The following NAALADL2 variants were observed in gnomAD, a reference collection of about 807,000 sequenced individuals.
The protein encoded by NAALADL2 is inactive N-acetylated-alpha-linked acidic dipeptidase-like protein 2.
In NAALADL2, 76 loss-of-function variants were observed where a neutral mutation model predicts 87.2. That is an observed-to-expected ratio of 0.87 (90% CI 0.72 to 1.05). The LOEUF (loss-of-function observed/expected upper bound fraction) is 1.05, where lower values mean the gene tolerates loss of function less well. Ranked by LOEUF, NAALADL2 falls within the 50% of genes least tolerant of loss-of-function variation. The pLI, the probability that NAALADL2 is intolerant of heterozygous loss-of-function variation, is 0.00. For missense variants in NAALADL2, 1,089 were observed against 945.8 expected (o/e 1.15, Z -1.99); for synonymous variants, 354 against 331.0 (o/e 1.07, Z -0.75).
chr3:175,454,493 C>T (rs1274926132), intron 6 of NAALADL2, among the ~76,000 whole-genome samples: 2 of 151,930 alleles, frequency 1.3e-5, no homozygotes, highest in Non-Finnish European at 2.9e-5. Context: ...TTAGAACCAC[C>T]TTCTTCATCC....
intron 3 of NAALADL2, among the ~76,000 whole-genome samples, chr3:174,812,460 TTGATAA>T (rs1415294175): frequency 4.6e-5 from 7 of 152,240 alleles, no homozygotes; most frequent in South Asian, 2.1e-4. Context: ...TACGTAATAC[TTGATAA>T]TGATAATAAA....
chr3:175,338,929 G>C (rs941255880), intron 5 of NAALADL2, among the ~76,000 whole-genome samples: 1 of 152,158 alleles, frequency 6.6e-6, no homozygotes, highest in African/African-American at 2.4e-5. Flanking sequence ...CAGAAGGGAG[G>C]GAAGGCAGCA....
chr3:175,059,873 G>C (rs143194497), intron 1 of NAALADL2: 58 of 335,750 alleles, frequency 1.7e-4, no homozygotes, highest in African/African-American at 1.1e-3. Context: ...TACCAACATA[G>C]GGCAAGACAC....
chr3:174,977,455 C>A (rs746938581), intron 1 of NAALADL2, among the ~76,000 whole-genome samples: 1 of 152,124 alleles, frequency 6.6e-6, no homozygotes, highest in African/African-American at 2.4e-5. Context: ...AGTGACTTCA[C>A]CTTTTTCTGC....
chr3:175,524,482 A>C (rs114866747), intron 9 of NAALADL2, among the ~76,000 whole-genome samples: 3,270 of 152,232 alleles, frequency 0.021, 123 homozygotes, highest in African/African-American at 0.073. Flanking sequence ...TGAGGTAATA[A>C]ATAAAATCCT....
chr3:174,834,782 A>T (rs1202017048), intron 3 of NAALADL2, among the ~76,000 whole-genome samples: 1 of 151,868 alleles, frequency 6.6e-6, no homozygotes, highest in Non-Finnish European at 1.5e-5. Flanking sequence ...TCAGAGAGAA[A>T]TTGAGTATAT....
chr3:175,637,492 G>A (rs1010588791), intron 11 of NAALADL2, among the ~76,000 whole-genome samples: 17 of 152,120 alleles, frequency 1.1e-4, no homozygotes, highest in Non-Finnish European at 2.4e-4. Context: ...TCATGGAGGC[G>A]GATCCCTCAT....
Position 175,779,690 on chromosome 3 carries a change from A to G in NAALADL2, c.2190-23315A>G, listed in dbSNP as rs148944610. On this transcript the variant is annotated intron_variant, in intron 13 of 13. Coordinates refer to ENST00000454872, the MANE Select transcript of NAALADL2 (RefSeq NM_207015.3). ...TATCATGGGAATACAATGAAAATTAAGGTTTCTTGAAATGAAGAGTATGGT... is the reference window on the plus strand; with the variant it reads ...TATCATGGGAATACAATGAAAATTAGGGTTTCTTGAAATGAAGAGTATGGT... Among the ~76,000 whole-genome samples the G allele has an allele frequency of 4.1e-3, 626 of 152,332 alleles. 4 individuals carry two copies. Among genetic ancestry groups the G allele is most frequent in the African/African-American group, 0.014 (599 of 41,574 alleles).
Position 175,804,199 on chromosome 3 carries a change from A to G in NAALADL2, c.*996A>G, listed in dbSNP as rs1393218731. 2 of 151,772 alleles carry G rather than the reference A, an allele frequency of 1.3e-5. No individual in the cohort carries two copies. The highest frequency in any genetic ancestry group is 3.9e-4 in the East Asian group (2 of 5,176). 9.4% of individuals were successfully genotyped at this position (151,772 alleles called of 1,614,324 possible). A position where few individuals can be genotyped will look rare whatever the true frequency, so the allele number is the denominator to read the frequency against. ...CAAATTTCTATTTCTGCCTCTGACA[A>G]AAAGAACTTACTATGAAAGAAATAG... On this transcript the variant is annotated 3_prime_UTR_variant, in exon 14 of 14. Transcript: ENST00000454872.
intron 2 of NAALADL2, among the ~76,000 whole-genome samples, chr3:175,182,671 A>G (rs955794663): frequency 6.9e-6 from 1 of 143,986 alleles, no homozygotes. Flanking sequence ...TGCAAGGATT[A>G]CAGGGGTAAG....
At chr3:174,676,188 C>T (rs139867441) in intron 2 of NAALADL2, among the ~76,000 whole-genome samples, 14 of 152,072 alleles carry the variant, frequency 9.2e-5, no homozygotes, top group Non-Finnish European at 1.9e-4. Flanking sequence ...ACTCAAAGTG[C>T]TCTTCACTAG....
At chr3:175,503,588 T>A (rs1249132838) in intron 9 of NAALADL2, among the ~76,000 whole-genome samples, 1 of 152,098 alleles carries the variant, frequency 6.6e-6, no homozygotes, top group African/African-American at 2.4e-5. Flanking sequence ...ACCTCACTAG[T>A]ATGTGTTATT....
intron 11 of NAALADL2, among the ~76,000 whole-genome samples, chr3:175,652,720 C>T (rs921378692): frequency 1.6e-4 from 25 of 152,058 alleles, no homozygotes; most frequent in African/African-American, 4.3e-4. Flanking sequence ...CCTCGTGATC[C>T]GCCCGCCTCG....
chr3:174,952,649 G>A (rs150038229), intron 1 of NAALADL2, among the ~76,000 whole-genome samples: 5 of 152,118 alleles, frequency 3.3e-5, no homozygotes, highest in East Asian at 3.9e-4. Context: ...GGGAAGACAC[G>A]TAAGGAGGTT....
At chr3:175,500,893 C>G (rs1424707049) in intron 9 of NAALADL2, among the ~76,000 whole-genome samples, 1 of 152,116 alleles carries the variant, frequency 6.6e-6, no homozygotes, top group African/African-American at 2.4e-5. Flanking sequence ...TCTACACACA[C>G]AGATAGACAG....
At chr3:175,319,547 C>T (rs1426098559) in intron 4 of NAALADL2, among the ~76,000 whole-genome samples, 1 of 152,138 alleles carries the variant, frequency 6.6e-6, no homozygotes, top group Non-Finnish European at 1.5e-5. Flanking sequence ...GGGCAGGGCG[C>T]GGTGGCTCAC....
chr3:174,798,768 T>G (rs1446783221), intron 3 of NAALADL2, among the ~76,000 whole-genome samples: 1 of 152,248 alleles, frequency 6.6e-6, no homozygotes, highest in Non-Finnish European at 1.5e-5. Context: ...TATTTGATCT[T>G]GTATTCTGCT....
intron 5 of NAALADL2, among the ~76,000 whole-genome samples, chr3:175,381,868 C>T (rs1000715880): frequency 7.9e-5 from 12 of 152,184 alleles, no homozygotes; most frequent in East Asian, 5.8e-4. Context: ...GTGGCAGCAG[C>T]GGGCCTGCAT....
At chr3:174,860,015 G>A (rs929144035) in intron 1 of NAALADL2, among the ~76,000 whole-genome samples, 4 of 152,156 alleles carry the variant, frequency 2.6e-5, no homozygotes, top group South Asian at 2.1e-4. Flanking sequence ...CCTTTGAAAG[G>A]ACTGGCTTTG....
Sources: allele counts gnomAD v4.1 joint callset (sites outside exome capture counted in the v4.1 genomes callset), GRCh38; gene constraint gnomAD v4.1.1; transcripts MANE v1.5; gene names NCBI Gene and HGNC (gene_info 2026-07-23, HGNC 2026-07-21).